The following ZNF17 variants were observed in gnomAD, a reference collection of about 807,000 sequenced individuals.
The protein encoded by ZNF17 is zinc finger protein 17 (HPF3, KOX 10).
A neutral mutation model predicts 7.7 loss-of-function variants in ZNF17; 4 were observed. The ratio of observed to expected loss-of-function variants is 0.52; its 90% confidence interval spans 0.26 to 1.20. The LOEUF is 1.20. Among genes scored for constraint, ZNF17 ranks in the 50% most tolerant of loss-of-function variants. The probability of loss-of-function intolerance (pLI) is 0.14; values close to 1 mark genes in which losing one functional copy is unlikely to be tolerated. For missense variants in ZNF17, 738 were observed against 799.5 expected (o/e 0.92, Z 0.93); for synonymous variants, 249 against 258.8 (o/e 0.96, Z 0.36).
At chr19:57,411,455 C>T (rs1472650936) in intron 1 of ZNF17, 49 bp downstream of exon 1, 2 of 1,599,892 alleles carry the variant, frequency 1.3e-6, no homozygotes, top group Admixed American at 1.7e-5. Context: ...CTCCGAGTGC[C>T]GAAGCCCCGA....
chr19:57,420,093 C>T lies in ZNF17; in HGVS notation c.607C>T (p.His203Tyr). 6.2e-7 allele frequency: 1 copy of T among 1,614,226 alleles called. No individual in the cohort carries two copies. The highest frequency in any genetic ancestry group is 1.3e-5 in the African/African-American group (1 of 75,048). The change falls in exon 4 of 4, where the codon CAC (histidine) becomes TAC (tyrosine). Residue 203 changes from histidine (H) to tyrosine (Y), a missense_variant. Physicochemically the swap from His to Tyr is moderately conservative, Grantham distance 83. Coordinates refer to ENST00000307658, the MANE Select transcript of ZNF17 (RefSeq NM_001330617.2). The part of the protein sequence containing the change: ...SCTQCGKDFC[H>Y]QHTLFEHQKI... ...CACCCAATGTGGGAAAGACTTTTGCCACCAACATACACTGTTTGAGCACCA... is the reference window on the plus strand; with the variant it reads ...CACCCAATGTGGGAAAGACTTTTGCTACCAACATACACTGTTTGAGCACCA...
Position 57,420,655 on chromosome 19 carries a change from G to A in ZNF17, c.1169G>A (p.Cys390Tyr). Residue 390 changes from cysteine (C) to tyrosine (Y), a missense_variant, in exon 4 of 4, where the codon TGC (cysteine) becomes TAC (tyrosine). Physicochemically the swap from Cys to Tyr is radical, Grantham distance 194 (BLOSUM62 -2). Transcript: ENST00000307658. ...RVHTGEKPYE[C>Y]NECGKFFRYR... ...CATACTGGAGAAAAACCTTATGAAT[G>A]CAACGAATGTGGGAAATTCTTTAGA... 1 of 1,613,240 alleles carries A rather than the reference G, an allele frequency of 6.2e-7. No individual in the cohort carries two copies. The highest frequency in any genetic ancestry group is 1.7e-5 in the Admixed American group (1 of 59,994).
At position 57,421,018 on chromosome 19, in the gene ZNF17, G is replaced by C. The variant is rs767378401; in HGVS notation, c.1532G>C (p.Cys511Ser). 3.7e-6 allele frequency: 6 copies of C among 1,613,406 alleles called. No homozygotes were observed. In the South Asian group the frequency reaches 6.6e-5, roughly 18 times the overall value. ...ECSICGKSFR[C>S]RSTLDTHQRI... is the part of the protein sequence containing the mutation. Reference sequence around the variant, plus strand: ...AGCATTTGTGGGAAATCCTTTAGATGTCGCTCCACACTTGATACACATCAG... The same window carrying C: ...AGCATTTGTGGGAAATCCTTTAGATCTCGCTCCACACTTGATACACATCAG... The change falls in exon 4 of 4, where the codon TGT becomes TCT. Residue 511 changes from cysteine to serine, a missense_variant. Coordinates refer to ENST00000307658, the MANE Select transcript of ZNF17 (RefSeq NM_001330617.2).
rs2088773546 is a variant in ZNF17, at chr19:57,411,218, G to A, written c.-209G>A. On this transcript the variant is annotated 5_prime_UTR_variant, in exon 1 of 4. Transcript: ENST00000307658. ...GTTGGGATCTGTTCACCTTCAGGCTGAGTCGAGACTGAGGTGAAAAAGCGG... is the reference window on the plus strand; with the variant it reads ...GTTGGGATCTGTTCACCTTCAGGCTAAGTCGAGACTGAGGTGAAAAAGCGG... The A allele has an allele frequency of 2.3e-6, 2 of 877,112 alleles. No homozygotes were observed. Among genetic ancestry groups the A allele is most frequent in the Non-Finnish European group, 3.4e-6 (2 of 585,038 alleles). 54.3% of individuals were successfully genotyped at this position (877,112 alleles called of 1,614,324 possible).
rs746762562 is a variant in ZNF17, at chr19:57,417,940, T to C, written c.50T>C (p.Ile17Thr). ...QDYMVFEDVA[I>T]HFSQEEWGIL... ...TATATGGTTTTTGAGGACGTGGCCA[T>C]ACATTTCTCCCAGGAGGAGTGGGGA... The change falls in exon 3 of 4, where the codon ATA (isoleucine) becomes ACA (threonine). Residue 17 changes from isoleucine to threonine, a missense_variant. Ile to Thr is a moderately conservative substitution (Grantham distance 89). This residue lies in a region of ZNF17 where 616 missense variants were observed against 663.9 expected (regional missense o/e 0.93). Coordinates refer to ENST00000307658, the MANE Select transcript of ZNF17 (RefSeq NM_001330617.2). 2.5e-6 allele frequency: 4 copies of C among 1,613,808 alleles called. No homozygotes were observed. Among genetic ancestry groups the C allele is most frequent in the Admixed American group, 3.3e-5 (2 of 59,974 alleles).
At chr19:57,416,244 G>A (rs549550947) in intron 2 of ZNF17, among the ~76,000 whole-genome samples, 2 of 152,304 alleles carry the variant, frequency 1.3e-5, no homozygotes, top group South Asian at 4.1e-4. Flanking sequence ...CATGTGCAGA[G>A]TGGCATGGTA....
In ZNF17 at chr19:57,421,121, A is replaced by C; in HGVS notation, c.1635A>C (p.Arg545Ser). 1 of 1,613,888 alleles carries C rather than the reference A, an allele frequency of 6.2e-7. No homozygotes were observed. The highest frequency in any genetic ancestry group is 8.5e-7 in the Non-Finnish European group (1 of 1,179,708). Residue 545 changes from arginine to serine, a missense_variant, in exon 4 of 4, where the codon AGA (arginine) becomes AGC (serine). This residue lies in a region of ZNF17 where 616 missense variants were observed against 663.9 expected (regional missense o/e 0.93). Coordinates refer to ENST00000307658, the MANE Select transcript of ZNF17 (RefSeq NM_001330617.2). ...KFFRHNSNHI[R>S]HRRNHFGERS... is the part of the protein sequence containing the mutation. ...TTAGGCACAACTCAAATCATATTAG[A>C]CATCGGAGAAATCACTTTGGAGAAA...
In ZNF17 at chr19:57,421,913, C is replaced by A. The variant is rs2088854737; in HGVS notation, c.*432C>A. ...TCCTTTTTAAAGGCTGAATAAAATT[C>A]TGTTAGTCATGTGTTGCTTAACAGT... is the stretch of plus-strand genomic sequence containing the variant. On this transcript the variant is annotated 3_prime_UTR_variant, in exon 4 of 4. Coordinates refer to ENST00000307658, the MANE Select transcript of ZNF17 (RefSeq NM_001330617.2). 1 of 157,150 alleles carries A rather than the reference C, an allele frequency of 6.4e-6. No individual in the cohort carries two copies. The allele number at this position is 157,150 out of a possible 1,614,324, so 9.7% of individuals were successfully genotyped here.
rs1285943974 is a variant in ZNF17 at position 57,420,299 on chromosome 19, T to C, written c.813T>C (p.Thr271=). The change falls in exon 4 of 4, where the codon ACT becomes ACC. Residue 271 remains threonine, a synonymous_variant. Coordinates refer to ENST00000307658, the MANE Select transcript of ZNF17 (RefSeq NM_001330617.2). ...TTGTTCAACACCAGAAAATTCACACTGGAGAAAGGCCTTATGAGTGCAGTG... is the reference window on the plus strand; with the variant it reads ...TTGTTCAACACCAGAAAATTCACACCGGAGAAAGGCCTTATGAGTGCAGTG... ...YNVVQHQKIH[T]GERPYECSEC... The C allele has an allele frequency of 1.9e-6, 3 of 1,614,004 alleles. No individual in the cohort carries two copies. The highest frequency in any genetic ancestry group is 2.5e-6 in the Non-Finnish European group (3 of 1,179,984).
rs1233538058 is a variant in ZNF17, at chr19:57,421,906, TAAAA to T, written c.*426_*429del. On this transcript the variant is annotated 3_prime_UTR_variant, in exon 4 of 4. Coordinates refer to ENST00000307658, the MANE Select transcript of ZNF17 (RefSeq NM_001330617.2). ...ATTTCCATCCTTTTTAAAGGCTGAA[TAAAA>T]TTCTGTTAGTCATGTGTTGCTTAAC... 1 of 157,568 alleles carries T rather than the reference TAAAA, an allele frequency of 6.3e-6. No individual in the cohort carries two copies. The highest frequency in any genetic ancestry group is 2.4e-5 in the African/African-American group (1 of 41,538). 9.8% of individuals were successfully genotyped at this position (157,568 alleles called of 1,614,324 possible).
rs2088773433 is a variant in ZNF17, at chr19:57,411,206, C to T, written c.-221C>T. The T allele has an allele frequency of 1.3e-6, 1 of 780,212 alleles. No individual in the cohort carries two copies. Among genetic ancestry groups the T allele is most frequent in the East Asian group, 2.8e-5 (1 of 35,318 alleles). The allele number at this position is 780,212 out of a possible 1,614,324, so 48.3% of individuals were successfully genotyped here. A position where few individuals can be genotyped will look rare whatever the true frequency, so the allele number is the denominator to read the frequency against. ...CAATATGGCTGCGTTGGGATCTGTT[C>T]ACCTTCAGGCTGAGTCGAGACTGAG... On this transcript the variant is annotated 5_prime_UTR_variant, in exon 1 of 4. Transcript: ENST00000307658.
At position 57,420,991 on chromosome 19, in the gene ZNF17, G is replaced by A; in HGVS notation, c.1505G>A (p.Cys502Tyr). Residue 502 changes from cysteine to tyrosine, a missense_variant, in exon 4 of 4, where the codon TGC becomes TAC. Physicochemically the swap from Cys to Tyr is radical, Grantham distance 194. This residue lies in a region of ZNF17 where 616 missense variants were observed against 663.9 expected (regional missense o/e 0.93). Coordinates refer to ENST00000307658, the MANE Select transcript of ZNF17 (RefSeq NM_001330617.2). ...CACACTGGAGAAAGACCTTTTGAAT[G>A]CAGCATTTGTGGGAAATCCTTTAGA... ...RVHTGERPFE[C>Y]SICGKSFRCR... 1 of 1,614,132 alleles carries A rather than the reference G, an allele frequency of 6.2e-7. No homozygotes were observed.
chr19:57,415,643 C>G (rs951768675), intron 2 of ZNF17, among the ~76,000 whole-genome samples: 9 of 152,058 alleles, frequency 5.9e-5, no homozygotes, highest in Non-Finnish European at 8.8e-5. Context: ...CTGGGCATCA[C>G]AAAGACAGAT....
chr19:57,411,565 C>T (rs112379486), intron 1 of ZNF17, 159 bp downstream of exon 1: 7 of 1,433,752 alleles, frequency 4.9e-6, no homozygotes, highest in African/African-American at 1.4e-5. Flanking sequence ...GAGCTCCTGT[C>T]AGGGACCTGC....
At chr19:57,412,251 C>T (rs149267770) in intron 1 of ZNF17, among the ~76,000 whole-genome samples, 1 of 152,196 alleles carries the variant, frequency 6.6e-6, no homozygotes, top group African/African-American at 2.4e-5. Flanking sequence ...CTCTGTGGAA[C>T]AATAGGAAGG....
intron 2 of ZNF17, among the ~76,000 whole-genome samples, chr19:57,416,045 G>T (rs548234027): frequency 6.6e-6 from 1 of 152,198 alleles, no homozygotes; most frequent in African/African-American, 2.4e-5. Context: ...ACATGTAGAA[G>T]GGGGAGACAG....
intron 1 of ZNF17, 69 bp downstream of exon 1, chr19:57,411,475 C>T: frequency 6.3e-7 from 1 of 1,580,864 alleles, no homozygotes; most frequent in East Asian, 2.3e-5. Flanking sequence ...AGGAGGGGCC[C>T]TGCAGGTCAG....
Position 57,420,105 on chromosome 19 carries a change from C to T in ZNF17, c.619C>T (p.Leu207=), listed in dbSNP as rs763552531. ...GAAAGACTTTTGCCACCAACATACA[C>T]TGTTTGAGCACCAGAAAATCCACAC... ...CGKDFCHQHT[L]FEHQKIHTEE... The change falls in exon 4 of 4, where the codon CTG becomes TTG. Residue 207 remains leucine (L), a synonymous_variant. Coordinates refer to ENST00000307658, the MANE Select transcript of ZNF17 (RefSeq NM_001330617.2). 12 of 1,614,254 alleles carry T rather than the reference C, an allele frequency of 7.4e-6. No homozygotes were observed.
chr19:57,421,626 G>C lies in ZNF17; in HGVS notation c.*145G>C. The C allele has an allele frequency of 1.1e-6, 1 of 882,694 alleles. No individual in the cohort carries two copies. The highest frequency in any genetic ancestry group is 1.7e-6 in the Non-Finnish European group (1 of 597,794). 54.7% of individuals were successfully genotyped at this position (882,694 alleles called of 1,614,324 possible). On this transcript the variant is annotated 3_prime_UTR_variant, in exon 4 of 4. Transcript: ENST00000307658. ...CATCTTAACCATGTTAAAGTGTATA[G>C]TTCAGTACTGTTAAGTCATTCACAT... is the stretch of plus-strand genomic sequence containing the variant.
Sources: gnomAD v4.1 joint callset for allele counts (sites outside exome capture counted in the v4.1 genomes callset) on GRCh38, gnomAD v4.1.1 for gene constraint, gnomAD v4.1.1 regional missense constraint, MANE v1.5 for transcripts, NCBI Gene and HGNC (gene_info 2026-07-23, HGNC 2026-07-21) for gene names.